Variants in PLCXD3 observed in about 807,000 individuals in gnomAD.
PLCXD3 encodes the protein PI-PLC X domain-containing protein 3.
In PLCXD3, 19 loss-of-function variants were observed where a neutral mutation model predicts 25.5. The ratio of observed to expected loss-of-function variants is 0.75; its 90% CI spans 0.52 to 1.09. PLCXD3 has a LOEUF of 1.09. PLCXD3 is among the 50% of genes least tolerant of loss of function. PLCXD3 has a pLI of 0.00. For missense variants in PLCXD3, 411 were observed against 388.1 expected (o/e 1.06, Z -0.50); for synonymous variants, 174 against 137.6 (o/e 1.26, Z -1.85).
At chr5:41,472,718 G>A (rs2150520502) in intron 1 of PLCXD3, among the ~76,000 whole-genome samples, 1 of 152,306 alleles carries the variant, frequency 6.6e-6, no homozygotes, top group Non-Finnish European at 1.5e-5. Context: ...ATGATGGTTT[G>A]AAGGTGATGG....
In PLCXD3 at chr5:41,345,265, G is replaced by A. The variant is rs114273853; in HGVS notation, c.813-31495C>T. Among the ~76,000 whole-genome samples the A allele has an allele frequency of 4.0e-3, 610 of 152,254 alleles. 8 individuals carry two copies. Among genetic ancestry groups the A allele is most frequent in the African/African-American group, 0.014 (581 of 41,538 alleles). On this transcript the variant is annotated intron_variant, in intron 2 of 2. Coordinates refer to ENST00000377801, the MANE Select transcript of PLCXD3 (RefSeq NM_001005473.3). ...GACAAAATAACTTGAGAGCAAAAAT[G>A]GAATTCAGAGATCTAGTCTAACCCT... is the stretch of plus-strand genomic sequence containing the variant.
chr5:41,414,859 C>T (rs1229043717), intron 1 of PLCXD3, among the ~76,000 whole-genome samples: 2 of 152,192 alleles, frequency 1.3e-5, no homozygotes, highest in African/African-American at 2.4e-5. Context: ...TCTCAGTTAT[C>T]AGATCAACTG....
intron 1 of PLCXD3, among the ~76,000 whole-genome samples, chr5:41,455,317 G>A (rs1468577394): frequency 3.3e-5 from 5 of 151,856 alleles, no homozygotes; most frequent in African/African-American, 1.2e-4. Context: ...GGATAATTGA[G>A]GACTTTCATT....
At position 41,489,309 on chromosome 5, in the gene PLCXD3, A is replaced by G. The variant is rs867985436; in HGVS notation, c.103+21115T>C. 1.1e-3 allele frequency among the ~76,000 whole-genome samples: 163 copies of G among 152,282 alleles called. 1 individual carries two copies. Among genetic ancestry groups the G allele is most frequent in the Middle Eastern group, 6.8e-3 (2 of 294 alleles). ...TCTATATCTCTGTTTTGGTACCAGT[A>G]CCATGCTGTTTTGGTTACTGTAGCC... On this transcript the variant is annotated intron_variant, in intron 1 of 2. Transcript: ENST00000377801.
chr5:41,416,779 T>C (rs1251713866), intron 1 of PLCXD3, among the ~76,000 whole-genome samples: 2 of 152,178 alleles, frequency 1.3e-5, no homozygotes, highest in East Asian at 3.8e-4. Context: ...CCCAGTTAGA[T>C]GTGAAACTGA....
At chr5:41,471,853 CTCCCTTCCCTTCCCTTCCCT>C (rs1748169946) in intron 1 of PLCXD3, among the ~76,000 whole-genome samples, 1 of 3,128 alleles carries the variant, frequency 3.2e-4, no homozygotes, top group African/African-American at 9.3e-4. Context: ...CTCCCCTCCC[CTCCCTTCCCTTCCCTTCCCT>C]TCCCCTCCCT....
At chr5:41,362,954 A>C (rs1744830940) in intron 2 of PLCXD3, among the ~76,000 whole-genome samples, 1 of 152,218 alleles carries the variant, frequency 6.6e-6, no homozygotes, top group South Asian at 2.1e-4. Flanking sequence ...ACTAGTGTTT[A>C]GTATTTAGAC....
At chr5:41,498,412 A>G (rs780870482) in intron 1 of PLCXD3, among the ~76,000 whole-genome samples, 7 of 151,748 alleles carry the variant, frequency 4.6e-5, no homozygotes, top group Admixed American at 6.6e-5. Context: ...AAAATGGGAT[A>G]AACCAGAGGA....
intron 1 of PLCXD3, among the ~76,000 whole-genome samples, chr5:41,469,494 G>T (rs1219989286): frequency 1.2e-5 from 1 of 83,850 alleles, no homozygotes; most frequent in African/African-American, 3.6e-5. Flanking sequence ...CTGGTTGTGA[G>T]CTGCTTTTTT....
chr5:41,509,655 G>T (rs190382004), intron 1 of PLCXD3, among the ~76,000 whole-genome samples: 3 of 152,300 alleles, frequency 2.0e-5, no homozygotes, highest in South Asian at 2.1e-4. Flanking sequence ...CTCAGGTCAC[G>T]CAGGTTCCCC....
chr5:41,439,990 G>A (rs1472694989), intron 1 of PLCXD3, among the ~76,000 whole-genome samples: 1 of 152,096 alleles, frequency 6.6e-6, no homozygotes, highest in East Asian at 1.9e-4. Flanking sequence ...GTGAGTTTTA[G>A]AAATGGAAAG....
chr5:41,345,318 A>G (rs1249807430), intron 2 of PLCXD3, among the ~76,000 whole-genome samples: 1 of 152,236 alleles, frequency 6.6e-6, no homozygotes, highest in Non-Finnish European at 1.5e-5. Context: ...GAAACAAATC[A>G]TGAGAGAGGG....
chr5:41,430,973 A>T (rs116625697), intron 1 of PLCXD3, among the ~76,000 whole-genome samples: 17 of 152,296 alleles, frequency 1.1e-4, no homozygotes, highest in African/African-American at 4.1e-4. Context: ...GAGCTGACCA[A>T]TTGGTCATCC....
At chr5:41,385,632 C>T (rs559827960) in intron 1 of PLCXD3, among the ~76,000 whole-genome samples, 17 of 152,302 alleles carry the variant, frequency 1.1e-4, no homozygotes, top group Admixed American at 9.8e-4. Flanking sequence ...ATTCATACCC[C>T]TCTCTGTGAG....
intron 1 of PLCXD3, among the ~76,000 whole-genome samples, chr5:41,481,370 A>G (rs1382435154): frequency 6.6e-6 from 1 of 152,228 alleles, no homozygotes; most frequent in Non-Finnish European, 1.5e-5. Context: ...GCTATAATAC[A>G]TAAGCTAGAT....
intron 2 of PLCXD3, among the ~76,000 whole-genome samples, chr5:41,317,996 A>G (rs895380184): frequency 3.3e-5 from 5 of 152,102 alleles, no homozygotes; most frequent in African/African-American, 1.2e-4. Context: ...GAAAGATATT[A>G]ATATCCAAAC....
At chr5:41,489,289 A>G (rs942997687) in intron 1 of PLCXD3, among the ~76,000 whole-genome samples, 2 of 152,032 alleles carry the variant, frequency 1.3e-5, no homozygotes, top group Admixed American at 6.6e-5. Flanking sequence ...ATTGATCTAT[A>G]TCTCTGTTTT....
intron 1 of PLCXD3, among the ~76,000 whole-genome samples, chr5:41,418,870 T>G (rs1746752754): frequency 6.6e-6 from 1 of 152,190 alleles, no homozygotes; most frequent in African/African-American, 2.4e-5. Flanking sequence ...GAAATTATGA[T>G]CTGTTCCACC....
intron 2 of PLCXD3, among the ~76,000 whole-genome samples, chr5:41,330,055 GT>G (rs1175602140): frequency 1.3e-5 from 2 of 151,884 alleles, no homozygotes; most frequent in African/African-American, 4.8e-5. Flanking sequence ...TAATGAATTT[GT>G]TTTGAATGCA....
Sources: gnomAD v4.1 joint callset for allele counts (sites outside exome capture counted in the v4.1 genomes callset) on GRCh38, gnomAD v4.1.1 for gene constraint, MANE v1.5 for transcripts, NCBI Gene and HGNC (gene_info 2026-07-23, HGNC 2026-07-21) for gene names.